The following NUBPL variants were observed in gnomAD, a reference collection of about 807,000 sequenced individuals.
The protein encoded by NUBPL is iron-sulfur cluster transfer protein NUBPL.
Under a neutral mutation model 45.7 loss-of-function variants are expected in NUBPL, and 31 were observed. The ratio of observed to expected loss-of-function variants is 0.68; its 90% CI spans 0.51 to 0.92. The LOEUF (loss-of-function observed/expected upper bound fraction) is 0.92. NUBPL is among the 40% of genes least tolerant of loss of function. NUBPL has a pLI of 0.00. For synonymous variants in NUBPL, 144 were observed against 140.9 expected (o/e 1.02, Z -0.15); for missense variants, 401 against 398.7 (o/e 1.01, Z -0.05).
Position 31,599,365 on chromosome 14 carries a change from C to T in NUBPL, c.368C>T (p.Pro123Leu), listed in dbSNP as rs745333245. The change falls in exon 4 of 11, where the codon CCG becomes CTG. Residue 123 changes from proline (P) to leucine (L), a missense_variant. Physicochemically the swap from Pro to Leu is moderately conservative, Grantham distance 98 (BLOSUM62 -3). Transcript: ENST00000281081. ...AAGATGATGAATCTGAAAGGAAATC[C>T]GGAATTATCACAGAGTAAGTAAAGA... ...VPKMMNLKGNPELSQSNLMRP... is the reference protein window; with the variant it reads ...VPKMMNLKGNLELSQSNLMRP... 5.6e-5 allele frequency: 90 copies of T among 1,609,106 alleles called. No individual in the cohort carries two copies. The East Asian group carries it at 1.1e-3, about 19-fold the overall frequency.
At chr14:31,736,481 A>G (rs1481626035) in intron 6 of NUBPL, among the ~76,000 whole-genome samples, 2 of 152,136 alleles carry the variant, frequency 1.3e-5, no homozygotes, top group Non-Finnish European at 2.9e-5. Flanking sequence ...AAATCTTTTA[A>G]TGTCTTCTCT....
intron 6 of NUBPL, among the ~76,000 whole-genome samples, chr14:31,721,014 A>G (rs964548264): frequency 9.8e-5 from 15 of 152,326 alleles, no homozygotes; most frequent in African/African-American, 3.4e-4. Flanking sequence ...AGTATGTGGC[A>G]TGTAGTTCTA....
intron 6 of NUBPL, among the ~76,000 whole-genome samples, chr14:31,722,008 T>C (rs1407642630): frequency 6.6e-6 from 1 of 152,146 alleles, no homozygotes; most frequent in Non-Finnish European, 1.5e-5. Context: ...TTTCTTTTTT[T>C]TCTTTTGAGA....
intron 6 of NUBPL, among the ~76,000 whole-genome samples, chr14:31,756,458 A>T (rs537379900): frequency 2.0e-5 from 3 of 152,120 alleles, no homozygotes; most frequent in African/African-American, 7.2e-5. Context: ...TTCTGTTTGA[A>T]GCAATTGTGA....
intron 4 of NUBPL, among the ~76,000 whole-genome samples, chr14:31,668,251 C>A (rs1383360939): frequency 2.6e-5 from 4 of 152,188 alleles, no homozygotes; most frequent in Non-Finnish European, 5.9e-5. Flanking sequence ...TTCAGAGATT[C>A]CCTGCCCAGT....
intron 7 of NUBPL, among the ~76,000 whole-genome samples, chr14:31,824,720 C>T (rs2040070367): frequency 6.6e-6 from 1 of 152,070 alleles, no homozygotes; most frequent in African/African-American, 2.4e-5. Context: ...GCAATACTGT[C>T]TAGTATCATT....
At chr14:31,799,876 A>T (rs748229262) in intron 7 of NUBPL, among the ~76,000 whole-genome samples, 12 of 152,236 alleles carry the variant, frequency 7.9e-5, no homozygotes, top group Admixed American at 1.3e-4. Flanking sequence ...TTCAGGAAAG[A>T]TAGCATGTGA....
chr14:31,652,168 C>T (rs1195033342), intron 4 of NUBPL, among the ~76,000 whole-genome samples: 1 of 152,118 alleles, frequency 6.6e-6, no homozygotes, highest in Non-Finnish European at 1.5e-5. Flanking sequence ...AGCTGGAAGA[C>T]ATTAAGCTTA....
At chr14:31,621,974 C>G (rs994975097) in intron 4 of NUBPL, among the ~76,000 whole-genome samples, 5 of 152,122 alleles carry the variant, frequency 3.3e-5, no homozygotes, top group Non-Finnish European at 5.9e-5. Flanking sequence ...TTAGAACTTC[C>G]TAGTGTCTGG....
intron 4 of NUBPL, among the ~76,000 whole-genome samples, chr14:31,605,174 T>G (rs1206260779): frequency 1.3e-5 from 2 of 152,192 alleles, no homozygotes; most frequent in African/African-American, 4.8e-5. Flanking sequence ...TATAGCCAAA[T>G]TATAGTCCTA....
At chr14:31,854,355 G>T (rs184649671) in intron 10 of NUBPL, among the ~76,000 whole-genome samples, 2 of 152,192 alleles carry the variant, frequency 1.3e-5, no homozygotes, top group African/African-American at 4.8e-5. Context: ...AGTTATCTCA[G>T]TTATGTCCTT....
chr14:31,572,225 C>T (rs930743982), intron 3 of NUBPL, among the ~76,000 whole-genome samples: 1 of 151,864 alleles, frequency 6.6e-6, no homozygotes, highest in Non-Finnish European at 1.5e-5. Context: ...CTGCAATCTC[C>T]GCCTCCCGGG....
In NUBPL at chr14:31,576,000, A is replaced by G. The variant is rs114702189; in HGVS notation, c.291+10952A>G. Among the ~76,000 whole-genome samples the G allele has an allele frequency of 8.2e-3, 1,256 of 152,356 alleles. 21 individuals carry two copies. The highest frequency in any genetic ancestry group is 0.028 in the African/African-American group (1,169 of 41,590). On this transcript the variant is annotated intron_variant, in intron 3 of 10. Coordinates refer to ENST00000281081, the MANE Select transcript of NUBPL (RefSeq NM_025152.3). The stretch of plus-strand genomic sequence containing the variant: ...AAGTGCATTTGAATTCACACATTTC[A>G]TGTTCACTGAGAGAGGGGCTCAGAA...
intron 6 of NUBPL, among the ~76,000 whole-genome samples, chr14:31,689,699 C>T (rs933032864): frequency 3.9e-5 from 6 of 152,230 alleles, no homozygotes; most frequent in African/African-American, 1.2e-4. Context: ...GCTTTTGTTG[C>T]GATTGCTGTT....
At chr14:31,758,958 A>G (rs930281754) in intron 6 of NUBPL, among the ~76,000 whole-genome samples, 1 of 152,188 alleles carries the variant, frequency 6.6e-6, no homozygotes, top group Admixed American at 6.5e-5. Context: ...ATGAAGACTT[A>G]GGCTTGTTTT....
At chr14:31,561,679 A>G (rs545575238) in intron 1 of NUBPL, 132 bp downstream of exon 1, 12 of 629,034 alleles carry the variant, frequency 1.9e-5, no homozygotes, top group African/African-American at 1.1e-4. Flanking sequence ...GGACGTGCCT[A>G]CTTTTCAGGC....
chr14:31,602,448 T>G (rs2034467085), intron 4 of NUBPL, among the ~76,000 whole-genome samples: 1 of 151,188 alleles, frequency 6.6e-6, no homozygotes, highest in African/African-American at 2.4e-5. Flanking sequence ...GAGGAATCAT[T>G]TCTATAATTC....
chr14:31,675,116 G>C (rs1277699969), intron 6 of NUBPL, among the ~76,000 whole-genome samples: 1 of 147,192 alleles, frequency 6.8e-6, no homozygotes, highest in Non-Finnish European at 1.5e-5. Flanking sequence ...CAGCCTGGGT[G>C]ACAGAGTAAG....
At chr14:31,847,994 T>C (rs1315519178) in intron 9 of NUBPL, among the ~76,000 whole-genome samples, 1 of 152,258 alleles carries the variant, frequency 6.6e-6, no homozygotes, top group Non-Finnish European at 1.5e-5. Flanking sequence ...CTGACAACAT[T>C]GTAATTTCCT....
Sources: gnomAD v4.1 joint callset for allele counts (sites outside exome capture counted in the v4.1 genomes callset) on GRCh38, gnomAD v4.1.1 for gene constraint, MANE v1.5 for transcripts, NCBI Gene and HGNC (gene_info 2026-07-23, HGNC 2026-07-21) for gene names.